EYS: variants seen among roughly 807,000 people sequenced by gnomAD.
EYS encodes the protein protein eyes shut homolog.
Under a neutral mutation model 282.1 loss-of-function variants are expected in EYS, and 250 were observed. The ratio of observed to expected loss-of-function variants is 0.89; its 90% CI spans 0.80 to 0.98. The LOEUF (loss-of-function observed/expected upper bound fraction) is 0.98, where lower values mean the gene tolerates loss of function less well. EYS is among the 50% of genes least tolerant of loss of function. The pLI, the probability that EYS is intolerant of heterozygous loss-of-function variation, is 0.00. For missense variants in EYS, 4,016 were observed against 3,709.0 expected (o/e 1.08, Z -2.15); for synonymous variants, 1,355 against 1,282.9 (o/e 1.06, Z -1.20).
At chr6:64,037,023 A>G (rs1429143108) in intron 33 of EYS, among the ~76,000 whole-genome samples, 1 of 152,192 alleles carries the variant, frequency 6.6e-6, no homozygotes, top group Non-Finnish European at 1.5e-5. Flanking sequence ...GTGGAGCCTC[A>G]GATGGCCATG....
intron 5 of EYS, among the ~76,000 whole-genome samples, chr6:65,482,827 C>G (rs1765654751): frequency 6.6e-6 from 1 of 152,154 alleles, no homozygotes; most frequent in African/African-American, 2.4e-5. Flanking sequence ...TACAAATAAA[C>G]TTTCCTATCT....
chr6:64,255,144 AT>A (rs1767347131), intron 30 of EYS, among the ~76,000 whole-genome samples: 1 of 152,028 alleles, frequency 6.6e-6, no homozygotes, highest in African/African-American at 2.4e-5. Flanking sequence ...ATTGTTGACC[AT>A]GATAATTGCA....
At chr6:64,527,635 G>A (rs946502724) in intron 26 of EYS, among the ~76,000 whole-genome samples, 3 of 151,510 alleles carry the variant, frequency 2.0e-5, no homozygotes, top group African/African-American at 7.3e-5. Flanking sequence ...AATGCTTAGG[G>A]TAAATTAAGA....
intron 12 of EYS, among the ~76,000 whole-genome samples, chr6:65,187,736 T>C (rs1765547099): frequency 6.6e-6 from 1 of 151,724 alleles, no homozygotes; most frequent in South Asian, 2.1e-4. Flanking sequence ...GAGAGACATG[T>C]CTATTGAGAA....
At chr6:65,085,869 C>T (rs1261839837) in intron 12 of EYS, among the ~76,000 whole-genome samples, 1 of 152,024 alleles carries the variant, frequency 6.6e-6, no homozygotes, top group Non-Finnish European at 1.5e-5. Flanking sequence ...TCTATACTTG[C>T]ATAGTTATCC....
intron 31 of EYS, among the ~76,000 whole-genome samples, chr6:64,150,871 C>G (rs1010043800): frequency 6.6e-6 from 1 of 152,022 alleles, no homozygotes. Context: ...ATTGGCACAG[C>G]TTAGAAAGGC....
At chr6:64,655,742 A>T (rs1337433899) in intron 22 of EYS, among the ~76,000 whole-genome samples, 1 of 152,042 alleles carries the variant, frequency 6.6e-6, no homozygotes, top group African/African-American at 2.4e-5. Flanking sequence ...GCTTATTGTC[A>T]AATAAATTGG....
At chr6:64,565,265 G>A (rs7756443) in intron 26 of EYS, among the ~76,000 whole-genome samples, 4,229 of 151,974 alleles carry the variant, frequency 0.028, 126 homozygotes, top group East Asian at 0.11. Context: ...TCACTATCCA[G>A]ACCAAAGTCA....
chr6:64,963,714 A>C lies in EYS; in HGVS notation c.2260-17800T>G, dbSNP rs187231531. Among the ~76,000 whole-genome samples, 642 of 152,298 alleles carry C rather than the reference A, an allele frequency of 4.2e-3. 6 individuals are homozygous for C. Among genetic ancestry groups the C allele is most frequent in the African/African-American group, 0.015 (607 of 41,562 alleles). On this transcript the variant is annotated intron_variant, in intron 14 of 42. Transcript: ENST00000503581. ...CAAGTAGAAACTAATAATATTATCT[A>C]TGTTCAAACAGATTTTAGTCAATTT...
chr6:65,110,003 C>G (rs1343764560), intron 12 of EYS, among the ~76,000 whole-genome samples: 1 of 152,144 alleles, frequency 6.6e-6, no homozygotes, highest in Non-Finnish European at 1.5e-5. Flanking sequence ...CTGAAGTGCT[C>G]AAGCAACTTG....
Position 64,306,951 on chromosome 6 carries a change from A to T in EYS, c.6191+19T>A. On this transcript the variant is annotated intron_variant, in intron 30 of 42. Coordinates refer to ENST00000503581, the MANE Select transcript of EYS (RefSeq NM_001142800.2). ...GTTATTTGAACAAGTTATTAGAAAA[A>T]TCACTACTGCTATTTTACCTGCAAT... 1.7e-6 allele frequency: 2 copies of T among 1,168,072 alleles called. No homozygotes were observed. Among genetic ancestry groups the T allele is most frequent in the Non-Finnish European group, 2.5e-6 (2 of 801,924 alleles). 72.4% of individuals were successfully genotyped at this position (1,168,072 alleles called of 1,614,324 possible).
intron 11 of EYS, among the ~76,000 whole-genome samples, chr6:65,305,253 A>G (rs1460901045): frequency 6.6e-6 from 1 of 152,196 alleles, no homozygotes; most frequent in Non-Finnish European, 1.5e-5. Context: ...GAAAGGGTGC[A>G]AGCAAACTTA....
chr6:64,474,699 T>A (rs182636054), intron 26 of EYS, among the ~76,000 whole-genome samples: 1 of 152,302 alleles, frequency 6.6e-6, no homozygotes, highest in Admixed American at 6.5e-5. Flanking sequence ...AAGGTCTTTG[T>A]TAAGATGTAG....
chr6:64,662,984 A>G (rs1205600821), intron 22 of EYS, among the ~76,000 whole-genome samples: 2 of 152,182 alleles, frequency 1.3e-5, no homozygotes, highest in Admixed American at 6.5e-5. Context: ...TATCTGTGCA[A>G]TTCAGGTCAG....
At chr6:64,893,629 TA>T (rs1767360107) in intron 18 of EYS, among the ~76,000 whole-genome samples, 1 of 152,062 alleles carries the variant, frequency 6.6e-6, no homozygotes, top group African/African-American at 2.4e-5. Context: ...TGAAAGATTT[TA>T]ATTCATTGAA....
At chr6:64,837,907 A>G (rs1765436702) in intron 19 of EYS, among the ~76,000 whole-genome samples, 1 of 151,552 alleles carries the variant, frequency 6.6e-6, no homozygotes, top group African/African-American at 2.4e-5. Flanking sequence ...AGAACAATAT[A>G]CACCATTCAA....
chr6:65,015,215 G>C (rs1772002715), intron 13 of EYS, among the ~76,000 whole-genome samples: 1 of 152,156 alleles, frequency 6.6e-6, no homozygotes, highest in Non-Finnish European at 1.5e-5. Flanking sequence ...CTAATAAAGA[G>C]AGCAAAAACT....
chr6:64,318,757 TA>T (rs1770081516), intron 29 of EYS, among the ~76,000 whole-genome samples: 4 of 151,716 alleles, frequency 2.6e-5, no homozygotes, highest in South Asian at 2.1e-4. Context: ...ATTTTTTATT[TA>T]AAAAATTATT....
rs141591236 is a variant in EYS, at chr6:64,170,700, A to G, written c.6424+59892T>C. On this transcript the variant is annotated intron_variant, in intron 31 of 42. Coordinates refer to ENST00000503581, the MANE Select transcript of EYS (RefSeq NM_001142800.2). ...TCTTACATCTGCAAAGACCTTGTTT[A>G]TAAACAAGGTCACATTTGCAGGTAG... Among the ~76,000 whole-genome samples the G allele has an allele frequency of 4.1e-3, 622 of 151,242 alleles. 5 individuals carry two copies. Among genetic ancestry groups the G allele is most frequent in the African/African-American group, 0.014 (590 of 41,106 alleles).
Sources: allele counts gnomAD v4.1 joint callset (sites outside exome capture counted in the v4.1 genomes callset), GRCh38; gene constraint gnomAD v4.1.1; transcripts MANE v1.5; gene names NCBI Gene and HGNC (gene_info 2026-07-23, HGNC 2026-07-21).